The following RCC2 variants were observed in gnomAD, a reference collection of about 807,000 sequenced individuals.
The protein encoded by RCC2 is regulator of chromosome condensation 2.
In RCC2, 19 loss-of-function variants were observed where a neutral mutation model predicts 64.1. That is an observed-to-expected ratio of 0.30 (90% CI 0.21 to 0.44). RCC2 has a LOEUF of 0.44. RCC2 is among the 20% of genes least tolerant of loss of function. RCC2 has a pLI of 1.00. For synonymous variants in RCC2, 325 were observed against 279.6 expected (o/e 1.16, Z -1.62); for missense variants, 508 against 710.4 (o/e 0.72, Z 3.24).
At position 17,438,354 on chromosome 1, in the gene RCC2, TCGTCGCCGCTGCTGC is replaced by T. The variant is rs2075765301; in HGVS notation, c.146_160del (p.Gly49_Asp53del). On this transcript the variant is annotated inframe_deletion, in exon 2 of 13. Transcript: ENST00000375436. ...GGCCCCGTCGAGCTCCAGGCCGTCC[TCGTCGCCGCTGCTGC>T]CGCCGCCGCTGCTGCTACTGCAGCG... The T allele has an allele frequency of 8.1e-7, 1 of 1,238,958 alleles. No individual in the cohort carries two copies. Among genetic ancestry groups the T allele is most frequent in the Non-Finnish European group, 1.0e-6 (1 of 992,586 alleles). 76.7% of individuals were successfully genotyped at this position (1,238,958 alleles called of 1,614,324 possible). A position where few individuals can be genotyped will look rare whatever the true frequency, so the allele number is the denominator to read the frequency against.
chr1:17,434,034 T>A (rs1425389617), intron 2 of RCC2, among the ~76,000 whole-genome samples: 2 of 152,194 alleles, frequency 1.3e-5, no homozygotes, highest in Admixed American at 6.5e-5. Flanking sequence ...AACACTCACC[T>A]GTTTTGTAGG....
intron 7 of RCC2, among the ~76,000 whole-genome samples, chr1:17,420,029 G>C (rs901116888): frequency 6.6e-6 from 1 of 152,208 alleles, no homozygotes; most frequent in South Asian, 2.1e-4. Flanking sequence ...GGCCAGCAGA[G>C]GGCGCCCGCG....
intron 5 of RCC2, among the ~76,000 whole-genome samples, chr1:17,422,496 C>T (rs974701708): frequency 2.4e-4 from 37 of 152,180 alleles, no homozygotes; most frequent in African/African-American, 7.2e-4. Context: ...CAGAGGGCAG[C>T]GTCTCCTACT....
chr1:17,409,982 A>G lies in RCC2; in HGVS notation c.1456T>C (p.Ser486Pro), dbSNP rs2075407256. The change falls in exon 12 of 13, where the codon TCA becomes CCA. Residue 486 changes from serine (S) to proline (P), a missense_variant. Coordinates refer to ENST00000375436, the MANE Select transcript of RCC2 (RefSeq NM_018715.4). ...QEVKTLDGIF[S>P]EQVAMGYSHS... ...CAGCTGCCCCCACTCACCTGCTCTG[A>G]GAAAATGCCATCCAGAGTCTTTACC... 1 of 1,613,846 alleles carries G rather than the reference A, an allele frequency of 6.2e-7. No homozygotes were observed. Among genetic ancestry groups the G allele is most frequent in the Non-Finnish European group, 8.5e-7 (1 of 1,179,860 alleles).
At chr1:17,423,486 C>T (rs1231311260) in intron 4 of RCC2, among the ~76,000 whole-genome samples, 1 of 152,228 alleles carries the variant, frequency 6.6e-6, no homozygotes, top group African/African-American at 2.4e-5. Context: ...GCTGCAGGTG[C>T]GACCAAGGCC....
At position 17,408,835 on chromosome 1, in the gene RCC2, T is replaced by C; in HGVS notation, c.*255A>G. 2.3e-6 allele frequency: 1 copy of C among 429,364 alleles called. No individual in the cohort carries two copies. The highest frequency in any genetic ancestry group is 4.1e-6 in the Non-Finnish European group (1 of 242,476). 26.6% of individuals were successfully genotyped at this position (429,364 alleles called of 1,614,324 possible). A position where few individuals can be genotyped will look rare whatever the true frequency, so the allele number is the denominator to read the frequency against. On this transcript the variant is annotated 3_prime_UTR_variant, in exon 13 of 13. Coordinates refer to ENST00000375436, the MANE Select transcript of RCC2 (RefSeq NM_018715.4). ...TTGCTCAAAGTTTCTGCCTCTTTTG[T>C]AGGAATGGTAAATCAACTATGAGCA...
In RCC2 at chr1:17,413,703, G is replaced by A; in HGVS notation, c.1041C>T (p.Ser347=). Residue 347 remains serine (S), a synonymous_variant, in exon 9 of 13, where the codon TCC becomes TCT. Transcript: ENST00000375436. ...CGANHTLVLD[S]QKRVFSWGFG... is the part of the protein sequence containing the mutation. ...AGCCCCAGGAGAAGACTCGCTTCTG[G>A]GAGTCCAGGACCAGCTGCAAGGAAA... 2 of 1,613,112 alleles carry A rather than the reference G, an allele frequency of 1.2e-6. No homozygotes were observed. The highest frequency in any genetic ancestry group is 1.1e-5 in the South Asian group (1 of 90,972).
At chr1:17,426,763 T>TC (rs1424929466) in intron 3 of RCC2, among the ~76,000 whole-genome samples, 3 of 39,928 alleles carry the variant, frequency 7.5e-5, no homozygotes, top group African/African-American at 1.2e-4. Flanking sequence ...ACTTTTCTTT[T>TC]TTTTTTTTTT....
intron 7 of RCC2, among the ~76,000 whole-genome samples, chr1:17,420,476 G>A (rs2075544138): frequency 6.6e-6 from 1 of 152,074 alleles, no homozygotes; most frequent in South Asian, 2.1e-4. Context: ...CAGAAAAAAA[G>A]AAATCTTTTG....
intron 3 of RCC2, among the ~76,000 whole-genome samples, chr1:17,425,942 T>C (rs1035631351): frequency 1.3e-5 from 2 of 152,098 alleles, no homozygotes; most frequent in African/African-American, 4.8e-5. Flanking sequence ...TTACACCCAT[T>C]CGGCCCCAGC....
chr1:17,426,294 G>C (rs558049697), intron 3 of RCC2, among the ~76,000 whole-genome samples: 1 of 152,004 alleles, frequency 6.6e-6, no homozygotes, highest in Non-Finnish European at 1.5e-5. Context: ...CCTTGAGGAG[G>C]GGCACTGCTC....
intron 5 of RCC2, 146 bp from the exon 6 acceptor site, chr1:17,422,437 C>T (rs1354380222): frequency 1.4e-5 from 11 of 775,220 alleles, no homozygotes; most frequent in South Asian, 3.6e-5. Flanking sequence ...GCAGTGCAGA[C>T]GCTTCACAGC....
At chr1:17,428,245 G>C (rs1033849196) in intron 3 of RCC2, among the ~76,000 whole-genome samples, 3 of 152,256 alleles carry the variant, frequency 2.0e-5, no homozygotes, top group African/African-American at 7.2e-5. Context: ...CGTTACTGTA[G>C]ACCAGGAGGT....
At chr1:17,431,592 T>C (rs1289146148) in intron 2 of RCC2, among the ~76,000 whole-genome samples, 1 of 147,954 alleles carries the variant, frequency 6.8e-6, no homozygotes, top group Non-Finnish European at 1.5e-5. Flanking sequence ...GATCACCCCA[T>C]GGGTATGCTT....
chr1:17,430,846 A>G (rs1385734066), intron 2 of RCC2, among the ~76,000 whole-genome samples: 1 of 151,754 alleles, frequency 6.6e-6, no homozygotes, highest in African/African-American at 2.4e-5. Flanking sequence ...CTCTTGCCTC[A>G]GCCTCCCAAG....
At chr1:17,422,633 C>A (rs993414972) in intron 5 of RCC2, 72 bp downstream of exon 5, 4 of 1,577,858 alleles carry the variant, frequency 2.5e-6, no homozygotes, top group Admixed American at 1.8e-5. Flanking sequence ...CACCACCCCA[C>A]GCCCCATCCC....
intron 3 of RCC2, among the ~76,000 whole-genome samples, chr1:17,427,734 T>G (rs1248820039): frequency 6.6e-6 from 1 of 151,800 alleles, no homozygotes; most frequent in Non-Finnish European, 1.5e-5. Context: ...CATCTTTCCC[T>G]GCAGTGCCCA....
intron 1 of RCC2, 71 bp downstream of exon 1, chr1:17,439,472 CTT>C (rs1450422582): frequency 6.9e-6 from 1 of 145,014 alleles, no homozygotes; most frequent in Non-Finnish European, 1.5e-5. Context: ...AACCTTTTCT[CTT>C]TAAAAAAAGG....
chr1:17,425,456 C>CT, intron 4 of RCC2, 85 bp downstream of exon 4: 5 of 1,381,606 alleles, frequency 3.6e-6, no homozygotes, highest in Non-Finnish European at 3.9e-6. Flanking sequence ...ACGCGAGTCT[C>CT]TTTTCCAGGC....
Sources: allele counts gnomAD v4.1 joint callset (sites outside exome capture counted in the v4.1 genomes callset), GRCh38; gene constraint gnomAD v4.1.1; transcripts MANE v1.5; gene names NCBI Gene and HGNC (gene_info 2026-07-23, HGNC 2026-07-21).